Variants in UNC5C observed in about 807,000 individuals in gnomAD.
The protein encoded by UNC5C is netrin receptor UNC5C.
A neutral mutation model predicts 99.8 loss-of-function variants in UNC5C; 47 were observed. That is an observed-to-expected ratio of 0.47 (90% CI 0.37 to 0.60). UNC5C has a LOEUF of 0.60. UNC5C is among the 20% of genes least tolerant of loss of function. The pLI is 0.00. For synonymous variants in UNC5C, 487 were observed against 452.2 expected (o/e 1.08, Z -0.98); for missense variants, 1,062 against 1,165.9 (o/e 0.91, Z 1.30).
intron 14 of UNC5C, among the ~76,000 whole-genome samples, chr4:95,179,106 CAT>C (rs1001305509): frequency 7.2e-5 from 11 of 152,200 alleles, no homozygotes; most frequent in African/African-American, 2.6e-4. Flanking sequence ...CTTATGTAAA[CAT>C]ATGATTTTTC....
intron 1 of UNC5C, among the ~76,000 whole-genome samples, chr4:95,484,359 C>G (rs1721265582): frequency 6.6e-6 from 1 of 151,790 alleles, no homozygotes; most frequent in South Asian, 2.1e-4. Flanking sequence ...TTTGGATTTT[C>G]CAAACCAGTG....
intron 1 of UNC5C, among the ~76,000 whole-genome samples, chr4:95,444,685 G>A (rs528584472): frequency 6.6e-6 from 1 of 152,236 alleles, no homozygotes; most frequent in South Asian, 2.1e-4. Context: ...AGGGGACAAA[G>A]TACCGTAGGT....
intron 14 of UNC5C, among the ~76,000 whole-genome samples, chr4:95,178,565 G>A (rs1736467262): frequency 6.6e-6 from 1 of 152,220 alleles, no homozygotes; most frequent in South Asian, 2.1e-4. Context: ...TTTGTTTGTT[G>A]AAATGAGAGA....
intron 1 of UNC5C, among the ~76,000 whole-genome samples, chr4:95,497,516 G>A (rs953863383): frequency 2.6e-5 from 4 of 151,878 alleles, no homozygotes; most frequent in Non-Finnish European, 4.4e-5. Context: ...GGCAATCACT[G>A]TGCTGGTCTT....
intron 4 of UNC5C, among the ~76,000 whole-genome samples, chr4:95,266,619 G>C (rs1430336767): frequency 6.6e-6 from 1 of 152,140 alleles, no homozygotes; most frequent in Non-Finnish European, 1.5e-5. Flanking sequence ...ACCATTGGCT[G>C]CCTAAGTCCT....
chr4:95,533,445 AAT>A (rs1722703531), intron 1 of UNC5C, among the ~76,000 whole-genome samples: 1 of 151,824 alleles, frequency 6.6e-6, no homozygotes. Context: ...TTATTTTATT[AAT>A]ATTTTAAATG....
At chr4:95,403,917 G>T (rs184701688) in intron 1 of UNC5C, among the ~76,000 whole-genome samples, 15 of 152,296 alleles carry the variant, frequency 9.8e-5, no homozygotes, top group Admixed American at 2.6e-4. Flanking sequence ...CTACCTTGGG[G>T]GAAGGAAACT....
chr4:95,223,218 A>C (rs1457893028), intron 7 of UNC5C, among the ~76,000 whole-genome samples: 2 of 152,240 alleles, frequency 1.3e-5, no homozygotes, highest in Admixed American at 6.5e-5. Flanking sequence ...AGTATATCTT[A>C]TACTGGTAAC....
intron 10 of UNC5C, among the ~76,000 whole-genome samples, chr4:95,207,558 G>A (rs1179120728): frequency 6.6e-6 from 1 of 152,158 alleles, no homozygotes; most frequent in Non-Finnish European, 1.5e-5. Flanking sequence ...TAGTTCCAAA[G>A]GTATTGAGTG....
intron 1 of UNC5C, among the ~76,000 whole-genome samples, chr4:95,470,494 T>G (rs1747935073): frequency 6.6e-6 from 1 of 152,024 alleles, no homozygotes; most frequent in African/African-American, 2.4e-5. Flanking sequence ...TGCCTGTGAA[T>G]GAGATATAGC....
intron 1 of UNC5C, among the ~76,000 whole-genome samples, chr4:95,377,424 C>T (rs2621456): frequency 0.73 from 111,063 of 152,084 alleles, 41,756 homozygotes; most frequent in East Asian, 0.95. Context: ...CCAGATAGAA[C>T]CCTGAAATGT....
intron 1 of UNC5C, among the ~76,000 whole-genome samples, chr4:95,357,094 C>T (rs1744230397): frequency 2.6e-5 from 4 of 151,330 alleles, no homozygotes; most frequent in Admixed American, 2.0e-4. Context: ...TAATTTTGAG[C>T]TACCCCTGTG....
chr4:95,288,229 C>T (rs1387216797), intron 3 of UNC5C, among the ~76,000 whole-genome samples: 4 of 151,988 alleles, frequency 2.6e-5, no homozygotes, highest in African/African-American at 9.7e-5. Context: ...ACTACAGGCA[C>T]CCGCCACCAT....
At chr4:95,279,870 TG>T (rs1433400959) in intron 3 of UNC5C, among the ~76,000 whole-genome samples, 1 of 151,008 alleles carries the variant, frequency 6.6e-6, no homozygotes, top group Non-Finnish European at 1.5e-5. Context: ...GGGCGGGGCA[TG>T]GGGGGGATGG....
rs138952565 is a variant in UNC5C at position 95,409,399 on chromosome 4, C to T, written c.125-73768G>A. 3.9e-3 allele frequency among the ~76,000 whole-genome samples: 596 copies of T among 152,298 alleles called. 6 individuals carry two copies. Among genetic ancestry groups the T allele is most frequent in the Admixed American group, 8.4e-3 (128 of 15,304 alleles). ...ACTCAGGATAAGGTTAAAATGTCCA[C>T]ATTCTTAACTCCAAATTCAAATCCA... is the stretch of plus-strand genomic sequence containing the variant. On this transcript the variant is annotated intron_variant, in intron 1 of 15. Transcript: ENST00000453304.
At chr4:95,439,162 C>A (rs1410778518) in intron 1 of UNC5C, among the ~76,000 whole-genome samples, 1 of 152,064 alleles carries the variant, frequency 6.6e-6, no homozygotes, top group African/African-American at 2.4e-5. Context: ...TTTTACAGGC[C>A]CTTGCAGTAA....
At chr4:95,482,382 G>A (rs1212646846) in intron 1 of UNC5C, among the ~76,000 whole-genome samples, 1 of 152,020 alleles carries the variant, frequency 6.6e-6, no homozygotes, top group African/African-American at 2.4e-5. Flanking sequence ...AGGATATGGA[G>A]AAATAGGAAC....
chr4:95,232,671 T>G (rs891024669), intron 7 of UNC5C, among the ~76,000 whole-genome samples: 1 of 152,158 alleles, frequency 6.6e-6, no homozygotes, highest in East Asian at 1.9e-4. Flanking sequence ...TCCGTAGGTG[T>G]TCATTAGGCT....
chr4:95,476,999 G>A (rs115426619), intron 1 of UNC5C, among the ~76,000 whole-genome samples: 4,045 of 152,148 alleles, frequency 0.027, 193 homozygotes, highest in African/African-American at 0.092. Flanking sequence ...GATTGTTTGT[G>A]ACTATGTGCA....
Sources: gnomAD v4.1 joint callset for allele counts (sites outside exome capture counted in the v4.1 genomes callset) on GRCh38, gnomAD v4.1.1 for gene constraint, MANE v1.5 for transcripts, NCBI Gene and HGNC (gene_info 2026-07-23, HGNC 2026-07-21) for gene names.